PTOV1: variants seen among roughly 807,000 people sequenced by gnomAD.
The protein encoded by PTOV1 is prostate tumor-overexpressed gene 1 protein.
PTOV1 carries 20 observed loss-of-function variants against 58.0 expected under a neutral mutation model. That is an observed-to-expected ratio of 0.34 (90% confidence interval 0.24 to 0.50). The LOEUF (loss-of-function observed/expected upper bound fraction) is 0.50, where lower values mean the gene tolerates loss of function less well. Among genes scored for constraint, PTOV1 ranks in the 20% least tolerant of loss-of-function variants. PTOV1 has a pLI of 0.98. For synonymous variants in PTOV1, 335 were observed against 234.2 expected (o/e 1.43, Z -3.93); for missense variants, 593 against 565.4 (o/e 1.05, Z -0.50).
upstream of PTOV1, chr19:49,851,126 G>C (rs1445529060): frequency 7.7e-5 from 103 of 1,335,924 alleles, no homozygotes; most frequent in Non-Finnish European, 8.9e-5. Context: ...CCTCGGACGC[G>C]CTTGGTACGC....
rs1413253864 is a variant in PTOV1 at position 49,851,505 on chromosome 19, C to T, written c.171+6C>T. 2.1e-5 allele frequency: 23 copies of T among 1,115,688 alleles called. No homozygotes were observed. In the East Asian group the frequency reaches 2.3e-4, roughly 11 times the overall value. The allele number at this position is 1,115,688 out of a possible 1,614,324, so 69.1% of individuals were successfully genotyped here. A position where few individuals can be genotyped will look rare whatever the true frequency, so the allele number is the denominator to read the frequency against. On this transcript the variant is annotated splice_donor_region_variant and intron_variant, in intron 1 of 11. Transcript: ENST00000391842. ...CCCGCTCGGCCCCTCCCATGGTGAG[C>T]CCCCCGCCCTTTTTCCAGAGCCTTC... is the stretch of plus-strand genomic sequence containing the variant.
intron 1 of PTOV1, chr19:49,853,284 A>G (rs902177583): frequency 6.6e-6 from 1 of 152,172 alleles, no homozygotes; most frequent in Admixed American, 6.5e-5. Context: ...ATTACGGGGA[A>G]ACTCTCGTGG....
intron 6 of PTOV1, 69 bp downstream of exon 6, chr19:49,857,199 C>T (rs2122233744): frequency 6.4e-7 from 1 of 1,572,798 alleles, no homozygotes; most frequent in South Asian, 1.1e-5. Flanking sequence ...GGTTGGGCAG[C>T]CAGACTTGGT....
rs1424786829 is a variant in PTOV1, at chr19:49,859,823, G to A, written c.1042-163G>A. ...GGCCCACCCATTGCTCTTGGCCACC[G>A]TGTCATCCCAATAAGGGGGCCCACC... On this transcript the variant is annotated intron_variant, in intron 10 of 11. Coordinates refer to ENST00000391842, the Ensembl canonical transcript of PTOV1. The A allele has an allele frequency of 4.6e-5, 33 of 715,192 alleles. No homozygotes were observed. In the South Asian group the frequency reaches 4.8e-4, roughly 10 times the overall value. The allele number at this position is 715,192 out of a possible 1,614,324, so 44.3% of individuals were successfully genotyped here. A position where few individuals can be genotyped will look rare whatever the true frequency, so the allele number is the denominator to read the frequency against.
exon 10 of PTOV1, chr19:49,858,593 C>T (rs1350566934): frequency 1.2e-6 from 2 of 1,606,640 alleles, no homozygotes; most frequent in Non-Finnish European, 1.7e-6. Context: ...TGGTCCAGTT[C>T]CACTTCACCA....
chr19:49,853,497 A>G (rs920404372), intron 1 of PTOV1, among the ~76,000 whole-genome samples: 4 of 150,822 alleles, frequency 2.7e-5, no homozygotes, highest in African/African-American at 9.7e-5. Flanking sequence ...CTCTACTAAA[A>G]AAAAAAAAAA....
intron 1 of PTOV1, chr19:49,853,289 T>TGGAGG (rs1223607797): frequency 6.6e-6 from 1 of 152,246 alleles, no homozygotes; most frequent in Admixed American, 6.5e-5. Flanking sequence ...GGGGAAACTC[T>TGGAGG]CGTGGGTTTC....
exon 9 of PTOV1, chr19:49,858,097 A>T: frequency 6.2e-7 from 1 of 1,613,330 alleles, no homozygotes; most frequent in Non-Finnish European, 8.5e-7. Context: ...CATGCAGCTC[A>T]TCCCGCAGCA....
intron 8 of PTOV1, 32 bp from the exon 9 acceptor site, chr19:49,858,025 C>T (rs2074557527): frequency 1.9e-6 from 3 of 1,613,472 alleles, no homozygotes; most frequent in Non-Finnish European, 2.5e-6. Context: ...GGAGCTGGGG[C>T]TTCCTGACCC....
upstream of PTOV1, chr19:49,851,047 C>G (rs569405067): frequency 7.1e-3 from 10,739 of 1,507,938 alleles, 44 homozygotes; most frequent in Non-Finnish European, 8.4e-3. Flanking sequence ...GCAGGACCGC[C>G]GAGCCCACAC....
At chr19:49,860,326 C>G in exon 12 of PTOV1, 1 of 1,603,910 alleles carries the variant, frequency 6.2e-7, no homozygotes, top group Non-Finnish European at 8.5e-7. Flanking sequence ...ATGAGGCCCC[C>G]GCAGAGACTG....
chr19:49,851,185 C>T, exon 1 of PTOV1: 1 of 1,222,348 alleles, frequency 8.2e-7, no homozygotes, highest in South Asian at 3.3e-5. Flanking sequence ...CGACCCCACT[C>T]CGGCGGCGCG....
chr19:49,851,228 C>T, exon 1 of PTOV1: 1 of 1,151,394 alleles, frequency 8.7e-7, no homozygotes, highest in Admixed American at 4.8e-5. Context: ...AGCCCGTCTC[C>T]CCCGAAGCCG....
rs374564420 is a variant in PTOV1, at chr19:49,854,747, G to A, written c.392+13G>A. On this transcript the variant is annotated intron_variant, in intron 3 of 11. Coordinates refer to ENST00000391842, the Ensembl canonical transcript of PTOV1. The stretch of plus-strand genomic sequence containing the variant: ...AAGGCGAGAACCTGTGAGTGCCGGG[G>A]CGTGGCAGCCAGGGCGGTGGCAGGG... 2.0e-5 allele frequency: 32 copies of A among 1,613,252 alleles called. No individual in the cohort carries two copies. The Admixed American group carries it at 2.3e-4, about 12-fold the overall frequency.
chr19:49,851,102 C>G (rs2074222695), upstream of PTOV1: 1 of 1,398,598 alleles, frequency 7.2e-7, no homozygotes, highest in Admixed American at 3.0e-5. Context: ...CCTTGGTACG[C>G]TCCGGCCACG....
chr19:49,860,512 T>G (rs1600409244), exon 12 of PTOV1: 1 of 654,010 alleles, frequency 1.5e-6, no homozygotes, highest in South Asian at 2.0e-5. Context: ...CCATGGGAGG[T>G]GGTATCCAGG....
At chr19:49,860,584 C>G (rs570249534) in exon 12 of PTOV1, 1 of 537,934 alleles carries the variant, frequency 1.9e-6, no homozygotes, top group African/African-American at 1.9e-5. Flanking sequence ...AGCCTGTGGC[C>G]AGCAGCCCCC....
chr19:49,851,922 G>C (rs2074268178), intron 1 of PTOV1: 1 of 960,286 alleles, frequency 1.0e-6, no homozygotes, highest in Non-Finnish European at 1.2e-6. Context: ...AGCGCCCCCA[G>C]ATGTCGCACC....
rs944285723 is a variant in PTOV1, at chr19:49,857,567, C to G, written c.715-126C>G. ...AGGGGCAGGGCCTGTTCCCCTGGGACTAGAGAATGGACCCAGCTGGGGCTA... is the reference window on the plus strand; with the variant it reads ...AGGGGCAGGGCCTGTTCCCCTGGGAGTAGAGAATGGACCCAGCTGGGGCTA... On this transcript the variant is annotated intron_variant, in intron 6 of 11. Coordinates refer to ENST00000391842, the Ensembl canonical transcript of PTOV1. The G allele has an allele frequency of 3.0e-5, 26 of 865,146 alleles. No homozygotes were observed. The South Asian group carries it at 4.0e-4, about 13-fold the overall frequency. 53.6% of individuals were successfully genotyped at this position (865,146 alleles called of 1,614,324 possible).
Sources: gnomAD v4.1 joint callset for allele counts (sites outside exome capture counted in the v4.1 genomes callset) on GRCh38, gnomAD v4.1.1 for gene constraint, MANE v1.5 for transcripts, NCBI Gene and HGNC (gene_info 2026-07-23, HGNC 2026-07-21) for gene names.